ZNF362: variants seen among roughly 807,000 people sequenced by gnomAD.
ZNF362 encodes the protein zinc finger protein 362, also known as rotund homolog.
ZNF362 carries 11 observed loss-of-function variants against 42.9 expected under a neutral mutation model. The observed-to-expected ratio is 0.26, with a 90% CI of 0.16 to 0.42. The LOEUF is 0.42. Among genes scored for constraint, ZNF362 ranks in the 20% least tolerant of loss-of-function variants. The pLI, the probability that ZNF362 is intolerant of heterozygous loss-of-function variation, is 1.00. For missense variants in ZNF362, 362 were observed against 576.2 expected (o/e 0.63, Z 3.81); for synonymous variants, 255 against 257.3 (o/e 0.99, Z 0.09).
the ZNF362 span, among the ~76,000 whole-genome samples, chr1:33,137,990 A>C: frequency 3.0e-4 from 46 of 152,258 alleles, no homozygotes; most frequent in Middle Eastern, 3.4e-3. Context: ...GTGGGCTTCT[A>C]CTTACTGCAC....
the ZNF362 span, among the ~76,000 whole-genome samples, chr1:33,144,603 T>G: frequency 6.6e-6 from 1 of 152,250 alleles, no homozygotes; most frequent in East Asian, 1.9e-4. Context: ...TCAGTAAGAC[T>G]TCTAAGTAAA....
the ZNF362 span, among the ~76,000 whole-genome samples, chr1:33,174,128 C>CCCCTTCTTCT: frequency 6.7e-6 from 1 of 148,162 alleles, no homozygotes; most frequent in Non-Finnish European, 1.5e-5. Flanking sequence ...TTTCTTCTTC[C>CCCCTTCTTCT]CCCTTCTTCT....
chr1:33,288,278 G>A (rs112893739), intron 6 of ZNF362, among the ~76,000 whole-genome samples: 109 of 152,282 alleles, frequency 7.2e-4, no homozygotes, highest in African/African-American at 2.5e-3. Context: ...AAGAAGGAAG[G>A]GCTGGGGCAT....
chr1:33,189,689 A>ATATG, the ZNF362 span, among the ~76,000 whole-genome samples: 1,716 of 47,470 alleles, frequency 0.036, 48 homozygotes, highest in East Asian at 0.048. Flanking sequence ...ATATACGTAT[A>ATATG]TATATATACA....
chr1:33,293,219 A>G (rs1646092448), intron 6 of ZNF362, among the ~76,000 whole-genome samples: 1 of 152,240 alleles, frequency 6.6e-6, no homozygotes, highest in South Asian at 2.1e-4. Flanking sequence ...TTTACTGGGC[A>G]AAAGAGCTGG....
chr1:33,158,434 C>T, the ZNF362 span: 211 of 1,326,450 alleles, frequency 1.6e-4, no homozygotes, highest in African/African-American at 2.0e-3. Flanking sequence ...CCAGGGGCCC[C>T]GCAGCCACCT....
the ZNF362 span, among the ~76,000 whole-genome samples, chr1:33,169,384 C>T: frequency 2.6e-5 from 4 of 152,218 alleles, no homozygotes; most frequent in Admixed American, 1.3e-4. Context: ...CCTCTCTATG[C>T]GTGCTGCCTC....
chr1:33,226,908 T>C, the ZNF362 span, among the ~76,000 whole-genome samples: 16 of 152,064 alleles, frequency 1.1e-4, no homozygotes, highest in African/African-American at 3.1e-4. Flanking sequence ...TTATGCTAAG[T>C]GAAATAAGCC....
the ZNF362 span, among the ~76,000 whole-genome samples, chr1:33,236,868 C>G: frequency 1.3e-5 from 2 of 151,730 alleles, no homozygotes; most frequent in South Asian, 4.2e-4. Context: ...ATTAGGAGCT[C>G]GAGACCAGCC....
At chr1:33,165,289 T>C in the ZNF362 span, 7 of 540,380 alleles carry the variant, frequency 1.3e-5, no homozygotes, top group African/African-American at 2.0e-5. The surrounding 1 kb of genome is among the most constrained non-coding windows in gnomAD (Gnocchi z 4.0). Flanking sequence ...TGCCGCCCCA[T>C]TGAACTTCAC....
the ZNF362 span, among the ~76,000 whole-genome samples, chr1:33,155,756 C>T: frequency 6.5e-3 from 994 of 152,318 alleles, 7 homozygotes; most frequent in Middle Eastern, 0.01. Context: ...TAAAGGACAT[C>T]GTGCCTGACT....
At chr1:33,204,372 A>G in the ZNF362 span, among the ~76,000 whole-genome samples, 2 of 152,118 alleles carry the variant, frequency 1.3e-5, no homozygotes, top group African/African-American at 4.8e-5. Flanking sequence ...TTTGATTACC[A>G]TACCTTTATA....
chr1:33,193,002 C>CAT, the ZNF362 span, among the ~76,000 whole-genome samples: 353 of 20,980 alleles, frequency 0.017, 1 homozygote, highest in Admixed American at 0.035. Context: ...CACACACACA[C>CAT]ACATATATAT....
At chr1:33,247,260 A>G in the ZNF362 span, among the ~76,000 whole-genome samples, 1 of 152,268 alleles carries the variant, frequency 6.6e-6, no homozygotes, top group African/African-American at 2.4e-5. Context: ...CTAGAAAAAT[A>G]TGCTCAGGGC....
the ZNF362 span, among the ~76,000 whole-genome samples, chr1:33,193,709 G>T: frequency 2.6e-5 from 4 of 151,592 alleles, no homozygotes; most frequent in African/African-American, 9.7e-5. Flanking sequence ...CACAAAGGGG[G>T]ATTATAGAAC....
At chr1:33,239,439 T>C in the ZNF362 span, among the ~76,000 whole-genome samples, 1 of 152,146 alleles carries the variant, frequency 6.6e-6, no homozygotes, top group Non-Finnish European at 1.5e-5. Flanking sequence ...AAAAGAATGA[T>C]AGTGTATTAG....
chr1:33,290,834 A>G (rs906646050), intron 6 of ZNF362, among the ~76,000 whole-genome samples: 2 of 152,102 alleles, frequency 1.3e-5, no homozygotes, highest in Non-Finnish European at 2.9e-5. Context: ...GCATTTTTTC[A>G]TATGTCTTTT....
At chr1:33,184,404 G>A in the ZNF362 span, among the ~76,000 whole-genome samples, 4 of 152,304 alleles carry the variant, frequency 2.6e-5, no homozygotes, top group Non-Finnish European at 4.4e-5. Context: ...AGTAGCAGTC[G>A]GAGGAATGGC....
chr1:33,288,293 C>A (rs1251059490), intron 6 of ZNF362, among the ~76,000 whole-genome samples: 5 of 152,138 alleles, frequency 3.3e-5, no homozygotes, highest in Admixed American at 1.3e-4. Context: ...GGGCATCAGG[C>A]TGCAGAAGAA....
Sources: allele counts gnomAD v4.1 joint callset (sites outside exome capture counted in the v4.1 genomes callset), GRCh38; gene constraint gnomAD v4.1.1; non-coding constraint Gnocchi (gnomAD v3.1); transcripts MANE v1.5; gene names NCBI Gene and HGNC (gene_info 2026-07-23, HGNC 2026-07-21).